Variants in TET3 observed in about 807,000 individuals in gnomAD.
TET3 encodes the protein tet methylcytosine dioxygenase 3.
In TET3, 19 loss-of-function variants were observed where a neutral mutation model predicts 141.4. The ratio of observed to expected loss-of-function variants is 0.13; its 90% CI spans 0.09 to 0.20. The LOEUF is 0.20. Ranked by LOEUF, TET3 falls within the 10% of genes least tolerant of loss-of-function variation. The pLI is 1.00. For missense variants in TET3, 1,874 were observed against 2,356.9 expected (o/e 0.80, Z 4.24); for synonymous variants, 1,043 against 980.9 (o/e 1.06, Z -1.18).
chr2:74,029,747 C>G (rs753892316), intron 3 of TET3, among the ~76,000 whole-genome samples: 4 of 152,214 alleles, frequency 2.6e-5, no homozygotes, highest in Non-Finnish European at 5.9e-5. Context: ...GTTCCTTATT[C>G]TATGCCTATG....
the TET3 span, among the ~76,000 whole-genome samples, chr2:74,125,433 A>G: frequency 6.6e-6 from 1 of 152,154 alleles, no homozygotes; most frequent in Admixed American, 6.5e-5. Flanking sequence ...CATACACTTG[A>G]GTTTTCCTTG....
intron 6 of TET3, among the ~76,000 whole-genome samples, chr2:74,081,001 GC>G (rs1689790562): frequency 6.6e-6 from 1 of 152,170 alleles, no homozygotes; most frequent in African/African-American, 2.4e-5. Flanking sequence ...CCTTCCATGT[GC>G]CCTGGAGCTG....
intron 3 of TET3, among the ~76,000 whole-genome samples, chr2:74,025,676 A>AT (rs1198677514): frequency 6.6e-6 from 1 of 152,166 alleles, no homozygotes; most frequent in Non-Finnish European, 1.5e-5. Context: ...GCTTACTTAA[A>AT]TTTTACCAAT....
Position 74,102,366 on chromosome 2 carries a change from C to T in TET3, c.*190C>T, listed in dbSNP as rs766043569. On this transcript the variant is annotated 3_prime_UTR_variant, in exon 12 of 12. Transcript: ENST00000409262. ...AGAACTGACCCGCCCCTCCCTTACCCCCACTTCCCCAGCACTTTGAAGAAG... is the reference window on the plus strand; with the variant it reads ...AGAACTGACCCGCCCCTCCCTTACCTCCACTTCCCCAGCACTTTGAAGAAG... The T allele has an allele frequency of 1.7e-5, 14 of 824,388 alleles. No homozygotes were observed. Among genetic ancestry groups the T allele is most frequent in the Non-Finnish European group, 2.3e-5 (14 of 619,620 alleles). 51.1% of individuals were successfully genotyped at this position (824,388 alleles called of 1,614,324 possible).
the TET3 span, among the ~76,000 whole-genome samples, chr2:74,131,090 C>A: frequency 6.6e-6 from 1 of 152,068 alleles, no homozygotes; most frequent in Non-Finnish European, 1.5e-5. Flanking sequence ...GGTGCCTCCG[C>A]TCTCCCGTTC....
chr2:73,985,228 C>A (rs868802301), intron 1 of TET3, 71 bp downstream of exon 1: 2 of 102,696 alleles, frequency 1.9e-5, no homozygotes, highest in Non-Finnish European at 4.3e-5. Flanking sequence ...GGGCCCGGCC[C>A]GGGGGAGGGG....
At chr2:73,999,355 C>A (rs1684738113) in intron 2 of TET3, among the ~76,000 whole-genome samples, 1 of 152,194 alleles carries the variant, frequency 6.6e-6, no homozygotes. Flanking sequence ...ACAAATATTT[C>A]CTGTCTCATT....
intron 4 of TET3, among the ~76,000 whole-genome samples, chr2:74,066,969 G>C (rs1288082703): frequency 1.3e-5 from 2 of 152,118 alleles, no homozygotes; most frequent in Admixed American, 1.3e-4. Flanking sequence ...ATAGCAACTG[G>C]AACAGAGCCC....
chr2:74,081,654 G>A (rs1573876793), intron 6 of TET3, among the ~76,000 whole-genome samples: 1 of 152,154 alleles, frequency 6.6e-6, no homozygotes, highest in Non-Finnish European at 1.5e-5. Context: ...TGAGGGAGGC[G>A]GGTAAGATAA....
intron 2 of TET3, among the ~76,000 whole-genome samples, chr2:73,999,974 G>A (rs935888699): frequency 3.9e-5 from 6 of 152,230 alleles, no homozygotes; most frequent in Admixed American, 6.5e-5. Flanking sequence ...TGGTGTAGCC[G>A]AGGGCTGCTG....
chr2:74,099,450 G>A lies in TET3; in HGVS notation c.3442G>A (p.Glu1148Lys). The change falls in exon 11 of 12, where the codon GAG becomes AAG. Residue 1148 changes from glutamate (E) to lysine (K), a missense_variant. Physicochemically the swap from Glu to Lys is moderately conservative, Grantham distance 56. Coordinates refer to ENST00000409262, the MANE Select transcript of TET3 (RefSeq NM_001287491.2). ...CCAGGTGCTCACCGCCTTCCCCCGC[G>A]AGGTCCGACGCCTGCCCGAGCCTGC... is the stretch of plus-strand genomic sequence containing the variant. ...AIQVLTAFPR[E>K]VRRLPEPAKS... 10 of 1,613,874 alleles carry A rather than the reference G, an allele frequency of 6.2e-6. No individual in the cohort carries two copies. In the South Asian group the frequency reaches 6.6e-5, roughly 11 times the overall value.
Position 74,046,956 on chromosome 2 carries a change from G to A in TET3, c.1039G>A (p.Ala347Thr). 1 of 1,613,914 alleles carries A rather than the reference G, an allele frequency of 6.2e-7. No individual in the cohort carries two copies. Among genetic ancestry groups the A allele is most frequent in the Non-Finnish European group, 8.5e-7 (1 of 1,179,866 alleles). Residue 347 changes from alanine (A) to threonine (T), a missense_variant, in exon 4 of 12, where the codon GCC (alanine) becomes ACC (threonine). Physicochemically the swap from Ala to Thr is moderately conservative, Grantham distance 58. This residue lies in a region of TET3 where 366 missense variants were observed against 487.0 expected (regional missense o/e 0.75). Transcript: ENST00000409262. This position sits in a 1 kb window ranked among gnomAD's most constrained non-coding sequence, Gnocchi z 4.3. ...CCTGTCCCAGAGTGCCCTGAGCATT[G>A]CCAAGGAAAAAAACATCAGCTTGCA... is the stretch of plus-strand genomic sequence containing the variant. ...LPLSQSALSIAKEKNISLQTA... is the reference protein window; with the variant it reads ...LPLSQSALSITKEKNISLQTA...
At chr2:74,081,077 A>G (rs893368021) in intron 6 of TET3, among the ~76,000 whole-genome samples, 2 of 152,138 alleles carry the variant, frequency 1.3e-5, no homozygotes, top group African/African-American at 4.8e-5. Flanking sequence ...CTGAGATCCA[A>G]CCTGAGGGAA....
chr2:74,031,801 G>C (rs756133454), intron 3 of TET3, among the ~76,000 whole-genome samples: 3 of 152,196 alleles, frequency 2.0e-5, no homozygotes, highest in Non-Finnish European at 4.4e-5. Context: ...AGGATTGAGT[G>C]GGGGCAAACA....
chr2:74,129,240 C>A, the TET3 span, among the ~76,000 whole-genome samples: 4 of 132,550 alleles, frequency 3.0e-5, no homozygotes, highest in Non-Finnish European at 1.6e-5. Context: ...CTCTTGAACC[C>A]GGGAGGCAGA....
intron 3 of TET3, among the ~76,000 whole-genome samples, chr2:74,039,668 C>T (rs182295860): frequency 5.3e-4 from 80 of 152,282 alleles, no homozygotes; most frequent in Middle Eastern, 3.4e-3. Context: ...AGGGTCTCAG[C>T]TAGGAAGGCA....
At chr2:74,092,193 C>G (rs149134964) in intron 8 of TET3, among the ~76,000 whole-genome samples, 1 of 152,032 alleles carries the variant, frequency 6.6e-6, no homozygotes, top group African/African-American at 2.4e-5. Context: ...CCCAGCTACT[C>G]AGGAGGCTGA....
intron 2 of TET3, among the ~76,000 whole-genome samples, chr2:73,991,519 C>T (rs549003262): frequency 6.6e-6 from 1 of 152,226 alleles, no homozygotes; most frequent in African/African-American, 2.4e-5. Flanking sequence ...TTAAAGTCAT[C>T]TTAGAGGGAG....
intron 2 of TET3, among the ~76,000 whole-genome samples, chr2:73,987,411 G>C (rs2105061328): frequency 6.6e-6 from 1 of 152,310 alleles, no homozygotes; most frequent in Admixed American, 6.5e-5. Context: ...TAGGGTGGAG[G>C]AGGGAAGGAG....
Sources: allele counts gnomAD v4.1 joint callset (sites outside exome capture counted in the v4.1 genomes callset), GRCh38; gene constraint gnomAD v4.1.1; regional missense constraint gnomAD v4.1.1; non-coding constraint Gnocchi (gnomAD v3.1); transcripts MANE v1.5; gene names NCBI Gene and HGNC (gene_info 2026-07-23, HGNC 2026-07-21).